Variants in TVP23A observed in about 807,000 individuals in gnomAD.
TVP23A encodes the protein Golgi apparatus membrane protein TVP23 homolog A.
Under a neutral mutation model 31.7 loss-of-function variants are expected in TVP23A, and 21 were observed. That is an observed-to-expected ratio of 0.66 (90% CI 0.47 to 0.95). The LOEUF is 0.95. Among genes scored for constraint, TVP23A ranks in the 40% least tolerant of loss-of-function variants. The pLI is 0.00. For synonymous variants in TVP23A, 104 were observed against 96.0 expected, an observed-to-expected ratio of 1.08 and a Z score of -0.49; for missense variants, 279 against 255.6, an observed-to-expected ratio of 1.09 and a Z score of -0.62.
chr16:10,797,873 G>A (rs776766281), intron 2 of TVP23A, among the ~76,000 whole-genome samples: 2 of 152,010 alleles, frequency 1.3e-5, no homozygotes, highest in African/African-American at 4.8e-5. Context: ...ATCATTGAAT[G>A]AGGGTGATAG....
intron 2 of TVP23A, among the ~76,000 whole-genome samples, chr16:10,808,899 T>C (rs932205459): frequency 1.3e-5 from 2 of 152,120 alleles, no homozygotes; most frequent in African/African-American, 4.8e-5. Flanking sequence ...CTTTCCTACT[T>C]TGGGTGGAAA....
At chr16:10,807,351 G>A (rs987506522) in intron 2 of TVP23A, among the ~76,000 whole-genome samples, 2 of 152,072 alleles carry the variant, frequency 1.3e-5, no homozygotes, top group African/African-American at 2.4e-5. Flanking sequence ...CCACACCTCC[G>A]GCTTCTCTTG....
chr16:10,776,582 T>C (rs2032038182), intron 2 of TVP23A, among the ~76,000 whole-genome samples: 1 of 152,096 alleles, frequency 6.6e-6, no homozygotes, highest in Non-Finnish European at 1.5e-5. Context: ...GCCCAGTTGT[T>C]ATACCAGAAA....
downstream of TVP23A, among the ~76,000 whole-genome samples, chr16:10,764,202 GTCTCAGCCCACTGGAGCA>G (rs907887629): frequency 1.2e-4 from 18 of 144,838 alleles, no homozygotes; most frequent in African/African-American, 2.1e-4. Flanking sequence ...CCGAAGGAGC[GTCTCAGCCCACTGGAGCA>G]TCTCAGCCCA....
Position 10,803,321 on chromosome 16 carries a change from AAAC to A in TVP23A, c.89+14779_89+14781del, listed in dbSNP as rs1179102412. ...GGCGACAGAGCAAGACTCCGTCTCAAAACAACAACAACAAAAACACATAAATTG... is the reference window on the plus strand; with the variant it reads ...GGCGACAGAGCAAGACTCCGTCTCAAAACAACAACAAAAACACATAAATTG... On this transcript the variant is annotated intron_variant, in intron 2 of 7. Transcript: ENST00000299866. Among the ~76,000 whole-genome samples the A allele has an allele frequency of 6.7e-5, 10 of 149,070 alleles. No homozygotes were observed. In the East Asian group the frequency reaches 1.2e-3, roughly 19 times the overall value.
chr16:10,761,172 GA>G (rs1333609231), downstream of TVP23A: 1 of 512,534 alleles, frequency 2.0e-6, no homozygotes, highest in Non-Finnish European at 3.5e-6. Flanking sequence ...TTCCTGTAGG[GA>G]TGTAGGGATG....
At chr16:10,770,130 G>A in intron 7 of TVP23A, 142 bp downstream of exon 7, 1 of 1,065,938 alleles carries the variant, frequency 9.4e-7, no homozygotes, top group East Asian at 2.7e-5. Flanking sequence ...CCATTGCCCA[G>A]TCTGCTTCCT....
At chr16:10,783,194 G>A (rs949955703) in intron 2 of TVP23A, among the ~76,000 whole-genome samples, 14 of 152,166 alleles carry the variant, frequency 9.2e-5, no homozygotes, top group African/African-American at 3.1e-4. Context: ...CGAATCTCCT[G>A]TTGGAAGCCG....
intron 2 of TVP23A, among the ~76,000 whole-genome samples, chr16:10,811,555 C>T (rs2034199750): frequency 6.6e-6 from 1 of 152,054 alleles, no homozygotes; most frequent in Non-Finnish European, 1.5e-5. Context: ...CAGGCATGAG[C>T]CACAGTGCCT....
Position 10,818,150 on chromosome 16 carries a change from C to T in TVP23A, c.42G>A (p.Leu14=), listed in dbSNP as rs764519157. ...CCAGCTCCTCCTCGTTTCCAAAGTCCAGGGACACATCCTCGGTATCGTCCA... is the reference window on the plus strand; with the variant it reads ...CCAGCTCCTCCTCGTTTCCAAAGTCTAGGGACACATCCTCGGTATCGTCCA... ...ALVDDTEDVS[L]DFGNEEELAF... Residue 14 remains leucine (L), a synonymous_variant, in exon 2 of 8, where the codon CTG becomes CTA. Transcript: ENST00000299866. The surrounding 1 kb of genome is among the most constrained non-coding windows in gnomAD (Gnocchi z 4.7). 2 of 1,609,178 alleles carry T rather than the reference C, an allele frequency of 1.2e-6. No individual in the cohort carries two copies. Among genetic ancestry groups the T allele is most frequent in the Non-Finnish European group, 8.5e-7 (1 of 1,177,956 alleles).
chr16:10,757,553 G>T (rs894091383), downstream of TVP23A, among the ~76,000 whole-genome samples: 38 of 152,194 alleles, frequency 2.5e-4, 3 homozygotes. This position sits in a 1 kb window ranked among gnomAD's most constrained non-coding sequence, Gnocchi z 4.1. Flanking sequence ...CAAGATGCCA[G>T]TAGCACCCCC....
chr16:10,781,517 G>A (rs895964307), intron 2 of TVP23A, among the ~76,000 whole-genome samples: 5 of 152,136 alleles, frequency 3.3e-5, no homozygotes, highest in Admixed American at 6.6e-5. Context: ...CCTCCCCGGA[G>A]GGAAGCACAG....
chr16:10,762,484 G>A (rs1172133284), downstream of TVP23A, among the ~76,000 whole-genome samples: 3 of 152,242 alleles, frequency 2.0e-5, no homozygotes, highest in African/African-American at 4.8e-5. Context: ...CACTCGCCGC[G>A]GGGCGCTGGG....
At chr16:10,760,966 G>A, downstream of TVP23A, 1 of 194,950 alleles carries the variant, frequency 5.1e-6, no homozygotes, top group East Asian at 1.3e-4. Context: ...GGCTGGGAAG[G>A]CCCCAGGAAA....
intron 2 of TVP23A, among the ~76,000 whole-genome samples, chr16:10,803,876 T>G (rs1183802293): frequency 6.6e-6 from 1 of 152,164 alleles, no homozygotes; most frequent in African/African-American, 2.4e-5. Context: ...AATGAAAATG[T>G]TTGGAAATTA....
downstream of TVP23A, chr16:10,757,741 T>C (rs934425881): frequency 6.2e-5 from 67 of 1,074,560 alleles, no homozygotes; most frequent in Admixed American, 1.6e-4. The surrounding 1 kb of genome is among the most constrained non-coding windows in gnomAD (Gnocchi z 4.1). Flanking sequence ...GGTGGGAGGA[T>C]TGCTTGAGCC....
intron 2 of TVP23A, among the ~76,000 whole-genome samples, chr16:10,811,149 T>C (rs1000961017): frequency 6.6e-6 from 1 of 152,204 alleles, no homozygotes; most frequent in Non-Finnish European, 1.5e-5. Flanking sequence ...TTTGGCGCAG[T>C]GAAAAACTTC....
intron 2 of TVP23A, among the ~76,000 whole-genome samples, chr16:10,810,503 C>T (rs2034146087): frequency 6.7e-6 from 1 of 148,768 alleles, no homozygotes; most frequent in African/African-American, 2.5e-5. Flanking sequence ...GTTGAGATCA[C>T]ACCATGGTAT....
intron 5 of TVP23A, among the ~76,000 whole-genome samples, chr16:10,772,100 T>C (rs566193605): frequency 4.9e-4 from 74 of 152,220 alleles, no homozygotes; most frequent in Non-Finnish European, 8.5e-4. Flanking sequence ...TCAAGCCACG[T>C]AGAAATGCTC....
Sources: gnomAD v4.1 joint callset for allele counts (sites outside exome capture counted in the v4.1 genomes callset) on GRCh38, gnomAD v4.1.1 for gene constraint, Gnocchi (gnomAD v3.1) non-coding constraint, MANE v1.5 for transcripts, NCBI Gene and HGNC (gene_info 2026-07-23, HGNC 2026-07-21) for gene names.